Variants in RSPH14 observed in about 807,000 individuals in gnomAD.
RSPH14 encodes radial spoke head 14 homolog, also known as rhabdoid tumor deletion region gene 1.
In RSPH14, 20 loss-of-function variants were observed where a neutral mutation model predicts 26.7. That is an observed-to-expected ratio of 0.75 (90% confidence interval 0.53 to 1.09). RSPH14 has a LOEUF of 1.09. Ranked by LOEUF, RSPH14 falls within the 50% of genes least tolerant of loss-of-function variation. The probability of loss-of-function intolerance (pLI) is 0.00; values close to 1 mark genes in which losing one functional copy is unlikely to be tolerated. For synonymous variants in RSPH14, 177 were observed against 189.3 expected, an observed-to-expected ratio of 0.93 and a Z score of 0.53; for missense variants, 449 against 457.2, an observed-to-expected ratio of 0.98 and a Z score of 0.16.
intron 4 of RSPH14, among the ~76,000 whole-genome samples, chr22:23,085,835 T>C (rs2068803056): frequency 6.6e-6 from 1 of 152,236 alleles, no homozygotes; most frequent in Non-Finnish European, 1.5e-5. Flanking sequence ...AGGCCACAGC[T>C]ATGAGTGGCA....
intron 4 of RSPH14, among the ~76,000 whole-genome samples, chr22:23,110,576 T>C (rs1236891503): frequency 6.6e-6 from 1 of 152,238 alleles, no homozygotes; most frequent in Non-Finnish European, 1.5e-5. Context: ...TCCCACCACC[T>C]GAGCAGATGG....
At chr22:23,153,251 C>A in the RSPH14 span, 1 of 783,010 alleles carries the variant, frequency 1.3e-6, no homozygotes, top group Non-Finnish European at 2.1e-6. Context: ...ACAAGCAGAG[C>A]CTGGGGGTGT....
intron 4 of RSPH14, among the ~76,000 whole-genome samples, chr22:23,113,663 C>A (rs1369301078): frequency 1.3e-5 from 2 of 152,234 alleles, no homozygotes; most frequent in African/African-American, 4.8e-5. Flanking sequence ...ACACCACAGG[C>A]CCCTCCACTC....
At chr22:23,118,923 A>C (rs1369837268) in intron 4 of RSPH14, among the ~76,000 whole-genome samples, 1 of 152,216 alleles carries the variant, frequency 6.6e-6, no homozygotes, top group African/African-American at 2.4e-5. Context: ...AGGAGGACCC[A>C]GGGGAGCCCA....
At chr22:23,161,366 C>A in the RSPH14 span, 1 of 842,172 alleles carries the variant, frequency 1.2e-6, no homozygotes, top group Non-Finnish European at 1.9e-6. Context: ...TGGCTTGTGT[C>A]AGGCCATTCA....
intron 4 of RSPH14, among the ~76,000 whole-genome samples, chr22:23,077,211 A>G (rs752102636): frequency 1.3e-5 from 2 of 152,016 alleles, no homozygotes; most frequent in Admixed American, 1.3e-4. Context: ...CTCTCCTTAC[A>G]TGCCCCTTCC....
At chr22:23,076,190 A>G (rs1308344886) in intron 4 of RSPH14, among the ~76,000 whole-genome samples, 1 of 152,072 alleles carries the variant, frequency 6.6e-6, no homozygotes, top group African/African-American at 2.4e-5. Context: ...CATGTTTCCT[A>G]TGCCCTTTCC....
intron 4 of RSPH14, among the ~76,000 whole-genome samples, chr22:23,117,850 C>T (rs117189542): frequency 9.8e-5 from 15 of 152,336 alleles, no homozygotes; most frequent in Non-Finnish European, 1.5e-5. Context: ...CCAGGAGAAC[C>T]TTGGTGGAGA....
At chr22:23,147,300 G>A (rs2070838547), upstream of RSPH14, among the ~76,000 whole-genome samples, 1 of 152,036 alleles carries the variant, frequency 6.6e-6, no homozygotes, top group Admixed American at 6.5e-5. Flanking sequence ...TATAGAAGAT[G>A]ACCCTGCCCT....
the RSPH14 span, among the ~76,000 whole-genome samples, chr22:23,166,289 CA>C: frequency 1.3e-3 from 174 of 135,070 alleles, no homozygotes; most frequent in African/African-American, 4.8e-3. Context: ...GTCCAAAGTC[CA>C]GAGTCAGTGT....
chr22:23,075,727 C>T (rs984921517), intron 4 of RSPH14, among the ~76,000 whole-genome samples: 4 of 152,192 alleles, frequency 2.6e-5, no homozygotes, highest in South Asian at 2.1e-4. Context: ...ACCCCGTCCC[C>T]GAGGGCTCAG....
upstream of RSPH14, chr22:23,145,592 C>T: frequency 1.9e-6 from 3 of 1,571,148 alleles, no homozygotes; most frequent in Non-Finnish European, 2.6e-6. Context: ...TCCCGGTCAC[C>T]CAACCCCGTG....
chr22:23,140,474 T>C lies in RSPH14; in HGVS notation c.-52-2A>G, dbSNP rs1193132535. The C allele has an allele frequency of 6.9e-6, 11 of 1,583,844 alleles. No homozygotes were observed. Among genetic ancestry groups the C allele is most frequent in the African/African-American group, 1.4e-5 (1 of 74,036 alleles). The stretch of plus-strand genomic sequence containing the variant: ...ATGAAGCTCTGCAGAAACCACTCAC[T>C]AAAAGAGACCAAAAAGCTGTCATTA... On this transcript the variant is annotated splice_acceptor_variant, in intron 1 of 6. Coordinates refer to ENST00000216036, the MANE Select transcript of RSPH14 (RefSeq NM_014433.3). LOFTEE classifies it low-confidence loss of function (5UTR_SPLICE).
At chr22:23,133,152 T>C (rs982023533) in intron 4 of RSPH14, 2 of 152,210 alleles carry the variant, frequency 1.3e-5, no homozygotes, top group African/African-American at 2.4e-5. Context: ...TATAAGGGTG[T>C]TCATAGCCAC....
intron 4 of RSPH14, among the ~76,000 whole-genome samples, chr22:23,073,028 T>C (rs1003181481): frequency 2.0e-5 from 3 of 152,272 alleles, no homozygotes; most frequent in African/African-American, 7.2e-5. Context: ...ATGCTGAATT[T>C]AGTCATCTTG....
chr22:23,169,515 A>T, the RSPH14 span, among the ~76,000 whole-genome samples: 1 of 152,242 alleles, frequency 6.6e-6, no homozygotes, highest in Non-Finnish European at 1.5e-5. Flanking sequence ...GAGGGCAGAA[A>T]GCCCAGCCAT....
At chr22:23,164,646 C>A in the RSPH14 span, among the ~76,000 whole-genome samples, 1 of 152,248 alleles carries the variant, frequency 6.6e-6, no homozygotes, top group Non-Finnish European at 1.5e-5. Context: ...CCCAGGCAAG[C>A]AGCCCCCTGC....
chr22:23,179,803 C>T, the RSPH14 span: 1 of 206,646 alleles, frequency 4.8e-6, no homozygotes, highest in Non-Finnish European at 9.7e-6. Flanking sequence ...CCCTGCCTTG[C>T]GGGGTGACCT....
chr22:23,124,063 A>G, intron 4 of RSPH14: 1 of 223,964 alleles, frequency 4.5e-6, no homozygotes, highest in South Asian at 5.0e-5. Flanking sequence ...GCTTCAAAAT[A>G]TGCAGCAAAA....
Sources: allele counts gnomAD v4.1 joint callset (sites outside exome capture counted in the v4.1 genomes callset), GRCh38; gene constraint gnomAD v4.1.1; transcripts MANE v1.5; gene names NCBI Gene and HGNC (gene_info 2026-07-23, HGNC 2026-07-21).